SNX13: variants seen among roughly 807,000 people sequenced by gnomAD.
The protein encoded by SNX13 is sorting nexin-13.
In SNX13, 45 loss-of-function variants were observed where a neutral mutation model predicts 133.6. The observed-to-expected ratio is 0.34, with a 90% CI of 0.27 to 0.43. The LOEUF is 0.43. SNX13 is among the 20% of genes least tolerant of loss of function. The probability of loss-of-function intolerance (pLI) is 1.00; values close to 1 mark genes in which losing one functional copy is unlikely to be tolerated. For missense variants in SNX13, 1,032 were observed against 1,145.1 expected (o/e 0.90, Z 1.43); for synonymous variants, 414 against 373.9 (o/e 1.11, Z -1.24).
At chr7:17,866,033 A>T (rs1203700435) in intron 9 of SNX13, among the ~76,000 whole-genome samples, 1 of 152,200 alleles carries the variant, frequency 6.6e-6, no homozygotes, top group African/African-American at 2.4e-5. Context: ...AAACTATAAA[A>T]CTACTAGAAG....
At chr7:17,803,372 G>T in intron 21 of SNX13, 47 bp downstream of exon 21, 1 of 1,518,346 alleles carries the variant, frequency 6.6e-7, no homozygotes, top group South Asian at 1.3e-5. Flanking sequence ...ACATCTTATT[G>T]ACTTAAAAAT....
At chr7:17,840,333 T>C (rs139415909) in intron 12 of SNX13, among the ~76,000 whole-genome samples, 69 of 152,168 alleles carry the variant, frequency 4.5e-4, no homozygotes, top group African/African-American at 1.6e-3. Flanking sequence ...TTCTAGACAT[T>C]TTTAAAAATG....
At chr7:17,914,434 A>G (rs141696124) in intron 1 of SNX13, among the ~76,000 whole-genome samples, 1 of 152,304 alleles carries the variant, frequency 6.6e-6, no homozygotes, top group African/African-American at 2.4e-5. Context: ...GACACATAGT[A>G]ATCAGACCAT....
At chr7:17,875,829 G>C in intron 5 of SNX13, 39 bp from the exon 6 acceptor site, 1 of 1,451,436 alleles carries the variant, frequency 6.9e-7, no homozygotes, top group Non-Finnish European at 9.4e-7. Flanking sequence ...TTATATAAAT[G>C]CTTTATCAGA....
intron 15 of SNX13, chr7:17,830,476 T>C: frequency 2.0e-6 from 2 of 984,120 alleles, no homozygotes; most frequent in Non-Finnish European, 2.4e-6. Flanking sequence ...CAGTCTGTAC[T>C]GTGAGGGATA....
At chr7:17,818,696 A>G (rs1180180038) in intron 18 of SNX13, among the ~76,000 whole-genome samples, 3 of 152,196 alleles carry the variant, frequency 2.0e-5, no homozygotes, top group East Asian at 3.8e-4. Context: ...GAGGATTTCA[A>G]TGTTTAAAAA....
chr7:17,824,002 TAATTATTTAAAA>T (rs1787594663), intron 17 of SNX13, among the ~76,000 whole-genome samples: 1 of 151,764 alleles, frequency 6.6e-6, no homozygotes, highest in Non-Finnish European at 1.5e-5. Flanking sequence ...AATAATGAGG[TAATTATTTAAAA>T]AAAATGCAGA....
intron 22 of SNX13, 145 bp downstream of exon 22, chr7:17,801,443 G>A: frequency 1.6e-6 from 1 of 630,980 alleles, no homozygotes; most frequent in South Asian, 2.2e-5. Context: ...TAATTACATG[G>A]GCATGTTCAG....
intron 20 of SNX13, among the ~76,000 whole-genome samples, chr7:17,805,211 TTGTG>T (rs55946438): frequency 0.018 from 2,155 of 118,518 alleles, 36 homozygotes; most frequent in South Asian, 0.026. Context: ...TAATGATTCT[TTGTG>T]TGTGTGTGTG....
intron 16 of SNX13, 105 bp from the exon 17 acceptor site, chr7:17,826,196 T>A (rs1476096628): frequency 3.2e-6 from 2 of 623,920 alleles, no homozygotes; most frequent in African/African-American, 3.7e-5. Context: ...TTTCCCTGCA[T>A]GTAAACTATA....
intron 1 of SNX13, among the ~76,000 whole-genome samples, chr7:17,927,787 C>T (rs747485066): frequency 6.6e-6 from 1 of 152,140 alleles, no homozygotes; most frequent in Non-Finnish European, 1.5e-5. Flanking sequence ...TTACCTCATA[C>T]TAAAAATAAG....
chr7:17,840,111 A>G, intron 12 of SNX13, 111 bp from the exon 13 acceptor site: 1 of 814,704 alleles, frequency 1.2e-6, no homozygotes, highest in East Asian at 3.2e-5. Flanking sequence ...TTAAAACTCC[A>G]CATTTTGAAA....
chr7:17,821,774 T>G, intron 17 of SNX13, 126 bp from the exon 18 acceptor site: 8 of 1,043,092 alleles, frequency 7.7e-6, no homozygotes, highest in South Asian at 1.8e-5. Flanking sequence ...TGAAGAAGAA[T>G]CTGAAATGAC....
At chr7:17,794,478 C>A in intron 25 of SNX13, 186 bp from the exon 26 acceptor site, 1 of 662,902 alleles carries the variant, frequency 1.5e-6, no homozygotes, top group Non-Finnish European at 2.4e-6. Flanking sequence ...CATCTATTTA[C>A]GCACTTAATG....
chr7:17,817,691 T>C (rs747382927), intron 18 of SNX13, among the ~76,000 whole-genome samples: 3 of 152,136 alleles, frequency 2.0e-5, no homozygotes, highest in African/African-American at 2.4e-5. Flanking sequence ...TATTCTCAAA[T>C]TTGGTGATTT....
chr7:17,881,718 G>A (rs1795374909), intron 5 of SNX13: 1 of 152,066 alleles, frequency 6.6e-6, no homozygotes, highest in Admixed American at 6.6e-5. Context: ...TTCACTATTA[G>A]AAAGGATATA....
chr7:17,830,689 T>G, intron 15 of SNX13: 1 of 980,746 alleles, frequency 1.0e-6, no homozygotes, highest in Non-Finnish European at 1.2e-6. Flanking sequence ...AACATTAATG[T>G]CAAACAACAA....
intron 9 of SNX13, among the ~76,000 whole-genome samples, chr7:17,866,043 G>A (rs557614913): frequency 6.6e-6 from 1 of 152,204 alleles, no homozygotes; most frequent in South Asian, 2.1e-4. Context: ...ACTACTAGAA[G>A]AAAACAGTGG....
chr7:17,876,265 GTTTGAATACACTAGCAC>G (rs1191832364), intron 5 of SNX13, among the ~76,000 whole-genome samples: 1 of 152,156 alleles, frequency 6.6e-6, no homozygotes, highest in Admixed American at 6.5e-5. Context: ...TGAACGTTCT[GTTTGAATACACTAGCAC>G]TTAAAAACTT....
Sources: gnomAD v4.1 joint callset for allele counts (sites outside exome capture counted in the v4.1 genomes callset) on GRCh38, gnomAD v4.1.1 for gene constraint, MANE v1.5 for transcripts, NCBI Gene and HGNC (gene_info 2026-07-23, HGNC 2026-07-21) for gene names.